Variants in SMARCA2 observed in about 807,000 individuals in gnomAD.
The protein encoded by SMARCA2 is SWI/SNF related BAF chromatin remodeling complex subunit ATPase 2, also known as SWI/SNF-related matrix-associated actin-dependent regulator of chromatin subfamily A member 2.
SMARCA2 carries 61 observed loss-of-function variants against 199.8 expected under a neutral mutation model. That is an observed-to-expected ratio of 0.31 (90% CI 0.25 to 0.38). The LOEUF (loss-of-function observed/expected upper bound fraction) is 0.38, where lower values mean the gene tolerates loss of function less well. Among genes scored for constraint, SMARCA2 ranks in the 10% least tolerant of loss-of-function variants. SMARCA2 has a pLI of 1.00. For synonymous variants in SMARCA2, 935 were observed against 732.0 expected, an observed-to-expected ratio of 1.28 and a Z score of -4.48; for missense variants, 1,344 against 2,012.2, an observed-to-expected ratio of 0.67 and a Z score of 6.35.
intron 9 of SMARCA2, among the ~76,000 whole-genome samples, chr9:2,062,509 C>T (rs7854733): frequency 0.013 from 1,962 of 152,292 alleles, 53 homozygotes; most frequent in African/African-American, 0.045. Context: ...GAAAGATACA[C>T]AATTGAGTGT....
intron 4 of SMARCA2, chr9:2,045,133 T>A (rs554342436): frequency 2.6e-5 from 4 of 152,364 alleles, no homozygotes; most frequent in Admixed American, 2.0e-4. Flanking sequence ...GTTACGGCTT[T>A]TGTTGATGAA....
chr9:2,159,944 C>T (rs1055481169), intron 27 of SMARCA2: 5 of 1,588,032 alleles, frequency 3.1e-6, no homozygotes, highest in Non-Finnish European at 4.3e-6. Flanking sequence ...CTTGAAGATT[C>T]AGTAGAACTA....
At chr9:2,050,885 G>T (rs1007933463) in intron 5 of SMARCA2, among the ~76,000 whole-genome samples, 1 of 152,152 alleles carries the variant, frequency 6.6e-6, no homozygotes, top group Non-Finnish European at 1.5e-5. Flanking sequence ...TTTCTTGCCA[G>T]AACAGTAACC....
Position 2,072,607 on chromosome 9 carries a change from C to G in SMARCA2, c.1747-605C>G, listed in dbSNP as rs1221227938. Among the ~76,000 whole-genome samples the G allele has an allele frequency of 3.9e-5, 6 of 152,312 alleles. No homozygotes were observed. In the East Asian group the frequency reaches 9.6e-4, roughly 24 times the overall value. The stretch of plus-strand genomic sequence containing the variant: ...TAATACCTTTTCTGTTTTTCATTCT[C>G]TCTGAAACCATGACTTTGCAATAGT... On this transcript the variant is annotated intron_variant, in intron 10 of 33. Coordinates refer to ENST00000349721, the MANE Select transcript of SMARCA2 (RefSeq NM_003070.5).
In SMARCA2 at chr9:2,192,690, A is replaced by C. The variant is rs1160246224; in HGVS notation, c.4738-14A>C. ...TGATGTTACTTCATTTTATCTTCTT[A>C]TTTTTACTTTTAGGAACAGTCAGAA... On this transcript the variant is annotated splice_polypyrimidine_tract_variant and intron_variant, in intron 33 of 33. Transcript: ENST00000349721. 6.3e-7 allele frequency: 1 copy of C among 1,586,736 alleles called. No individual in the cohort carries two copies. The highest frequency in any genetic ancestry group is 1.3e-5 in the African/African-American group (1 of 74,320).
rs1375056935 is a variant in SMARCA2, at chr9:2,110,300, T to C, written c.3339T>C (p.Asn1113=). 2 of 1,613,592 alleles carry C rather than the reference T, an allele frequency of 1.2e-6. No homozygotes were observed. The highest frequency in any genetic ancestry group is 1.1e-5 in the South Asian group (1 of 91,034). The change falls in exon 24 of 34, where the codon AAT becomes AAC. Residue 1113 remains asparagine, a synonymous_variant. Coordinates refer to ENST00000349721, the MANE Select transcript of SMARCA2 (RefSeq NM_003070.5). This position sits in a 1 kb window ranked among gnomAD's most constrained non-coding sequence, Gnocchi z 4.8. The part of the protein sequence containing the change: ...EDRAALLKKF[N]EPGSQYFIFL... ...GTGCTGCTTTGCTGAAGAAATTCAA[T>C]GAACCTGGATCCCAGTATTTCATTT...
chr9:2,037,974 G>A (rs2130237197), intron 3 of SMARCA2, among the ~76,000 whole-genome samples: 1 of 152,194 alleles, frequency 6.6e-6, no homozygotes, highest in African/African-American at 2.4e-5. Flanking sequence ...AGTCCCTTGA[G>A]GTTTTTTGTG....
rs3750416 is a variant in SMARCA2 at position 2,054,380 on chromosome 9, C to T, written c.1047-217C>T. Among the ~76,000 whole-genome samples, 4,813 of 152,222 alleles carry T rather than the reference C, an allele frequency of 0.032. 161 individuals carry two copies. The highest frequency in any genetic ancestry group is 0.075 in the Admixed American group (1,147 of 15,278). On this transcript the variant is annotated intron_variant, in intron 5 of 33. Coordinates refer to ENST00000349721, the MANE Select transcript of SMARCA2 (RefSeq NM_003070.5). ...GTTAGATAGAGGTTATGGAGGAAGC[C>T]ACATTGTTAAGTAACATATACCTGT... is the stretch of plus-strand genomic sequence containing the variant.
chr9:2,172,987 G>C (rs1218122046), intron 29 of SMARCA2, among the ~76,000 whole-genome samples: 4 of 152,336 alleles, frequency 2.6e-5, no homozygotes, highest in East Asian at 1.9e-4. Context: ...AAATAAGGAA[G>C]TGGCAGTAGG....
intron 9 of SMARCA2, 130 bp from the exon 10 acceptor site, chr9:2,070,288 A>G: frequency 1.3e-6 from 1 of 756,644 alleles, no homozygotes. Context: ...CATAAAAGGC[A>G]TTAACACTTA....
At position 2,054,834 on chromosome 9, in the gene SMARCA2, ATATAAATATAG is replaced by A. The variant is rs1220223073; in HGVS notation, c.1173+114_1173+124del. On this transcript the variant is annotated intron_variant, in intron 6 of 33. Coordinates refer to ENST00000349721, the MANE Select transcript of SMARCA2 (RefSeq NM_003070.5). ...TCAATATTGTTACAAAGATATAAAG[ATATAAATATAG>A]TAAAATAGTGAATCTTTTAGACCAA... 5 of 1,088,176 alleles carry A rather than the reference ATATAAATATAG, an allele frequency of 4.6e-6. No individual in the cohort carries two copies. In the African/African-American group the frequency reaches 6.4e-5, roughly 14 times the overall value. 67.4% of individuals were successfully genotyped at this position (1,088,176 alleles called of 1,614,324 possible). A position where few individuals can be genotyped will look rare whatever the true frequency, so the allele number is the denominator to read the frequency against.
At chr9:2,179,258 A>G (rs1826842324) in intron 29 of SMARCA2, among the ~76,000 whole-genome samples, 1 of 152,186 alleles carries the variant, frequency 6.6e-6, no homozygotes, top group South Asian at 2.1e-4. Context: ...ATGAGGACAT[A>G]TCCTGGAGGG....
chr9:2,083,250 T>C, intron 15 of SMARCA2, 97 bp from the exon 16 acceptor site: 1 of 730,068 alleles, frequency 1.4e-6, no homozygotes, highest in Non-Finnish European at 2.3e-6. Context: ...TGTAGCCCCT[T>C]TCAAGGTGAG....
intron 14 of SMARCA2, among the ~76,000 whole-genome samples, chr9:2,081,059 G>A (rs1455131014): frequency 6.6e-6 from 1 of 152,162 alleles, no homozygotes; most frequent in Non-Finnish European, 1.5e-5. Context: ...AAGCTAAATT[G>A]ACTTTAGCAA....
At chr9:2,167,952 C>T (rs1387894746) in intron 28 of SMARCA2, among the ~76,000 whole-genome samples, 1 of 151,734 alleles carries the variant, frequency 6.6e-6, no homozygotes, top group Non-Finnish European at 1.5e-5. Context: ...TCTGAGGATA[C>T]AATGACATTA....
chr9:2,139,173 C>T (rs777747074), intron 27 of SMARCA2, among the ~76,000 whole-genome samples: 2 of 152,176 alleles, frequency 1.3e-5, no homozygotes, highest in Non-Finnish European at 2.9e-5. Flanking sequence ...CTTCTGGCTG[C>T]ACAAAGCCAG....
chr9:2,186,351 T>C, intron 32 of SMARCA2, 123 bp downstream of exon 32: 3 of 1,069,112 alleles, frequency 2.8e-6, no homozygotes, highest in South Asian at 3.4e-5. Flanking sequence ...CTTATTCCAC[T>C]TTGTCCTTGC....
chr9:2,021,539 G>A (rs1818599439), intron 1 of SMARCA2, among the ~76,000 whole-genome samples: 2 of 152,242 alleles, frequency 1.3e-5, no homozygotes, highest in South Asian at 4.1e-4. Context: ...TATCACACAT[G>A]GATATTGGAT....
Position 2,170,058 on chromosome 9 carries a change from C to T in SMARCA2, c.4200-361C>T, listed in dbSNP as rs923922220. On this transcript the variant is annotated intron_variant, in intron 28 of 33. Coordinates refer to ENST00000349721, the MANE Select transcript of SMARCA2 (RefSeq NM_003070.5). This position sits in a 1 kb window ranked among gnomAD's most constrained non-coding sequence, Gnocchi z 4.7. ...CATTTTACAAATGAGGGGCTAAACT[C>T]AGATAGACTAGCACTACCTTCCCAA... Among the ~76,000 whole-genome samples, 5 of 152,144 alleles carry T rather than the reference C, an allele frequency of 3.3e-5. No individual in the cohort carries two copies. Among genetic ancestry groups the T allele is most frequent in the African/African-American group, 7.2e-5 (3 of 41,418 alleles).
Sources: allele counts gnomAD v4.1 joint callset (sites outside exome capture counted in the v4.1 genomes callset), GRCh38; gene constraint gnomAD v4.1.1; non-coding constraint Gnocchi (gnomAD v3.1); transcripts MANE v1.5; gene names NCBI Gene and HGNC (gene_info 2026-07-23, HGNC 2026-07-21).